Variants in AFF3 observed in about 807,000 individuals in gnomAD.
AFF3 encodes the protein ALF transcription elongation factor 3, also known as AF4/FMR2 family member 3.
Under a neutral mutation model 129.7 loss-of-function variants are expected in AFF3, and 32 were observed. The ratio of observed to expected loss-of-function variants is 0.25; its 90% CI spans 0.19 to 0.33. The LOEUF (loss-of-function observed/expected upper bound fraction) is 0.33, where lower values mean the gene tolerates loss of function less well. Ranked by LOEUF, AFF3 falls within the 10% of genes least tolerant of loss-of-function variation. AFF3 has a pLI of 1.00. For synonymous variants in AFF3, 644 were observed against 635.4 expected (o/e 1.01, Z -0.20); for missense variants, 1,373 against 1,592.0 (o/e 0.86, Z 2.34).
At chr2:99,943,141 C>A (rs1372422151) in intron 7 of AFF3, among the ~76,000 whole-genome samples, 1 of 152,152 alleles carries the variant, frequency 6.6e-6, no homozygotes, top group African/African-American at 2.4e-5. Context: ...GGATCAACCC[C>A]ATTGTCATGG....
chr2:99,964,677 T>C (rs898715878), intron 7 of AFF3, among the ~76,000 whole-genome samples: 3 of 152,216 alleles, frequency 2.0e-5, no homozygotes, highest in African/African-American at 7.2e-5. Context: ...AAGTATTACA[T>C]GCAAAAATTC....
At chr2:99,947,088 A>G (rs1430861876) in intron 7 of AFF3, among the ~76,000 whole-genome samples, 7 of 152,318 alleles carry the variant, frequency 4.6e-5, no homozygotes, top group Admixed American at 2.6e-4. Context: ...ATTAAGTGCT[A>G]TAACTGAATA....
chr2:100,022,014 T>G (rs1683636201), intron 4 of AFF3, among the ~76,000 whole-genome samples: 1 of 152,170 alleles, frequency 6.6e-6, no homozygotes, highest in Non-Finnish European at 1.5e-5. Context: ...CTTCCTTTGG[T>G]GAAAACTCTG....
At chr2:99,887,060 A>G (rs993710328) in intron 7 of AFF3, among the ~76,000 whole-genome samples, 2 of 152,234 alleles carry the variant, frequency 1.3e-5, no homozygotes, top group African/African-American at 2.4e-5. Context: ...ATTTATCAGT[A>G]GCCCATGCTT....
intron 7 of AFF3, among the ~76,000 whole-genome samples, chr2:99,918,543 T>C (rs189828584): frequency 6.6e-6 from 1 of 152,338 alleles, no homozygotes; most frequent in East Asian, 1.9e-4. Flanking sequence ...GTAATACTAA[T>C]TGCTCTAACC....
intron 4 of AFF3, among the ~76,000 whole-genome samples, chr2:100,016,806 G>A (rs920093286): frequency 1.3e-5 from 2 of 150,878 alleles, no homozygotes; most frequent in African/African-American, 4.9e-5. Flanking sequence ...GGTGATGGCA[G>A]TGATGCTGAT....
At chr2:99,959,629 TGCAA>T (rs1677028911) in intron 7 of AFF3, among the ~76,000 whole-genome samples, 1 of 150,636 alleles carries the variant, frequency 6.6e-6, no homozygotes, top group Non-Finnish European at 1.5e-5. Flanking sequence ...TCCAGCACAT[TGCAA>T]GCGCTCACAG....
chr2:99,894,669 G>A (rs1017163609), intron 7 of AFF3, among the ~76,000 whole-genome samples: 1 of 151,828 alleles, frequency 6.6e-6, no homozygotes. Flanking sequence ...TAAAGATGAG[G>A]TTTCACCATG....
intron 7 of AFF3, among the ~76,000 whole-genome samples, chr2:99,888,022 C>T (rs1447449264): frequency 6.6e-6 from 1 of 152,214 alleles, no homozygotes; most frequent in Non-Finnish European, 1.5e-5. Context: ...TAATCAAAAT[C>T]AGCAAGTGTT....
At chr2:99,753,561 T>C (rs1032815175) in intron 8 of AFF3, among the ~76,000 whole-genome samples, 1 of 152,146 alleles carries the variant, frequency 6.6e-6, no homozygotes, top group African/African-American at 2.4e-5. Flanking sequence ...TGTCAGGCTT[T>C]TGGAAGGAAA....
intron 12 of AFF3, among the ~76,000 whole-genome samples, chr2:99,664,804 C>T (rs1686532976): frequency 6.6e-6 from 1 of 152,248 alleles, no homozygotes; most frequent in African/African-American, 2.4e-5. Context: ...GACACAGTCC[C>T]TGCCCTCAGG....
intron 8 of AFF3, among the ~76,000 whole-genome samples, chr2:99,789,748 C>G (rs1685065797): frequency 6.6e-6 from 1 of 152,200 alleles, no homozygotes; most frequent in African/African-American, 2.4e-5. Context: ...TCGGAGGCTG[C>G]TTCCATGGGA....
intron 8 of AFF3, among the ~76,000 whole-genome samples, chr2:99,784,931 C>T (rs1420411654): frequency 1.3e-5 from 2 of 152,184 alleles, no homozygotes; most frequent in Admixed American, 6.5e-5. Flanking sequence ...GCAAATATGT[C>T]TTTGCTACCG....
intron 12 of AFF3, among the ~76,000 whole-genome samples, chr2:99,658,432 T>C (rs1162260691): frequency 1.3e-5 from 2 of 151,994 alleles, no homozygotes; most frequent in Non-Finnish European, 2.9e-5. Context: ...TATCTAGCCC[T>C]AAGCCAGATT....
intron 1 of AFF3, among the ~76,000 whole-genome samples, chr2:100,142,132 A>C (rs1692911402): frequency 6.6e-6 from 1 of 151,996 alleles, no homozygotes; most frequent in Non-Finnish European, 1.5e-5. Flanking sequence ...CACTTTTCAT[A>C]AGGCCCCAGC....
At chr2:99,944,250 C>T (rs1279226961) in intron 7 of AFF3, among the ~76,000 whole-genome samples, 1 of 152,190 alleles carries the variant, frequency 6.6e-6, no homozygotes, top group Non-Finnish European at 1.5e-5. Context: ...CAAGTACGGC[C>T]TATCTGCCTC....
intron 7 of AFF3, among the ~76,000 whole-genome samples, chr2:99,966,689 CAAAAAAAAAAAAAAAAAAA>C (rs61351679): frequency 5.5e-5 from 2 of 36,686 alleles, no homozygotes; most frequent in Admixed American, 6.8e-4. Context: ...GACTCCGTCT[CAAAAAAAAAAAAAAAAAAA>C]AAAAAAAAAA....
intron 4 of AFF3, among the ~76,000 whole-genome samples, chr2:100,020,819 C>T (rs1277238540): frequency 6.6e-6 from 1 of 152,222 alleles, no homozygotes; most frequent in Non-Finnish European, 1.5e-5. Context: ...AAATGTATCT[C>T]CCGGCTGCTC....
At chr2:99,652,140 A>G (rs939774143) in intron 12 of AFF3, among the ~76,000 whole-genome samples, 3 of 152,166 alleles carry the variant, frequency 2.0e-5, no homozygotes, top group South Asian at 2.1e-4. Context: ...CAGTCAGGAA[A>G]GCCTTCCCTC....
Sources: gnomAD v4.1 joint callset for allele counts (sites outside exome capture counted in the v4.1 genomes callset) on GRCh38, gnomAD v4.1.1 for gene constraint, MANE v1.5 for transcripts, NCBI Gene and HGNC (gene_info 2026-07-23, HGNC 2026-07-21) for gene names.